The following ADI1 variants were observed in gnomAD, a reference collection of about 807,000 sequenced individuals.
ADI1 encodes acireductone dioxygenase.
In ADI1, 21 loss-of-function variants were observed where a neutral mutation model predicts 18.7. The ratio of observed to expected loss-of-function variants is 1.13; its 90% CI spans 0.80 to 1.62. ADI1 has a LOEUF of 1.62. ADI1 is among the 40% of genes most tolerant of loss of function. ADI1 has a pLI of 0.00. For missense variants in ADI1, 245 were observed against 254.9 expected (o/e 0.96, Z 0.26); for synonymous variants, 90 against 100.1 (o/e 0.90, Z 0.60).
At chr2:3,510,340 A>G (rs1667273820) in intron 2 of ADI1, among the ~76,000 whole-genome samples, 1 of 152,086 alleles carries the variant, frequency 6.6e-6, no homozygotes, top group Non-Finnish European at 1.5e-5. Flanking sequence ...CTAGAATAAT[A>G]ATAATAATAA....
At chr2:3,515,727 T>C (rs1450439621) in intron 1 of ADI1, 1 of 179,082 alleles carries the variant, frequency 5.6e-6, no homozygotes, top group African/African-American at 2.4e-5. Context: ...TAATAAAAAC[T>C]TGCTGGTCTG....
At chr2:3,510,349 A>G (rs574955930) in intron 2 of ADI1, among the ~76,000 whole-genome samples, 21 of 152,130 alleles carry the variant, frequency 1.4e-4, no homozygotes, top group Non-Finnish European at 2.9e-4. Flanking sequence ...TAATAATAAT[A>G]ATGACAAAGA....
chr2:3,500,536 TGTACCTGCCGCC>T (rs1666973932), intron 3 of ADI1: 3 of 364,014 alleles, frequency 8.2e-6, no homozygotes, highest in African/African-American at 2.5e-4. Context: ...TGCCGCCGCA[TGTACCTGCCGCC>T]GCCTGTACCT....
intron 2 of ADI1, among the ~76,000 whole-genome samples, chr2:3,511,292 T>C (rs1002537822): frequency 6.6e-6 from 1 of 152,082 alleles, no homozygotes; most frequent in Admixed American, 6.5e-5. Flanking sequence ...AGGAAGCAGA[T>C]GTTTCCTGTA....
chr2:3,498,939 C>G lies in ADI1; in HGVS notation c.*24G>C. ...TTACATTGGGGACCTTTACGAGGCA[C>G]GTGTTAGTTCCCAGGCAGCACTGCT... On this transcript the variant is annotated 3_prime_UTR_variant, in exon 4 of 4. Coordinates refer to ENST00000327435, the MANE Select transcript of ADI1 (RefSeq NM_018269.4). 6.3e-7 allele frequency: 1 copy of G among 1,591,722 alleles called. No individual in the cohort carries two copies. The highest frequency in any genetic ancestry group is 1.1e-5 in the South Asian group (1 of 90,174).
chr2:3,508,407 G>T (rs1053985136), intron 2 of ADI1, among the ~76,000 whole-genome samples: 3 of 147,724 alleles, frequency 2.0e-5, no homozygotes, highest in African/African-American at 7.5e-5. Flanking sequence ...TCCCAAATAT[G>T]GTAGACATTA....
At chr2:3,502,716 C>T (rs1667052283) in intron 2 of ADI1, among the ~76,000 whole-genome samples, 1 of 152,104 alleles carries the variant, frequency 6.6e-6, no homozygotes, top group South Asian at 2.1e-4. Flanking sequence ...TCCCAAAGTG[C>T]TAGGATTACA....
chr2:3,501,541 AT>A (rs61237896), intron 2 of ADI1, among the ~76,000 whole-genome samples: 143 of 147,038 alleles, frequency 9.7e-4, no homozygotes, highest in Middle Eastern at 3.6e-3. Flanking sequence ...ACTTTTGTGT[AT>A]TTTTTTTTTT....
chr2:3,504,129 C>A (rs1667117170), intron 2 of ADI1, among the ~76,000 whole-genome samples: 1 of 152,188 alleles, frequency 6.6e-6, no homozygotes, highest in Admixed American at 6.5e-5. Context: ...CATGGAGAGA[C>A]TTGACGGACG....
chr2:3,499,127 G>A, intron 3 of ADI1, 45 bp from the exon 4 acceptor site: 1 of 1,547,138 alleles, frequency 6.5e-7, no homozygotes, highest in Non-Finnish European at 8.6e-7. Context: ...AAACCAGCCG[G>A]CCTTCTACTT....
rs1572229405 is a variant in ADI1 at position 3,498,790 on chromosome 2, G to A, written c.*173C>T. 1 of 1,099,888 alleles carries A rather than the reference G, an allele frequency of 9.1e-7. No individual in the cohort carries two copies. The highest frequency in any genetic ancestry group is 1.3e-6 in the Non-Finnish European group (1 of 793,992). The allele number at this position is 1,099,888 out of a possible 1,614,324, so 68.1% of individuals were successfully genotyped here. A position where few individuals can be genotyped will look rare whatever the true frequency, so the allele number is the denominator to read the frequency against. On this transcript the variant is annotated 3_prime_UTR_variant, in exon 4 of 4. Coordinates refer to ENST00000327435, the MANE Select transcript of ADI1 (RefSeq NM_018269.4). Reference sequence around the variant, plus strand: ...TGAAGGTGACTCTTTACACTTCCAAGTTGCTTTCTAGATCCTTTCATTACA... The same window carrying A: ...TGAAGGTGACTCTTTACACTTCCAAATTGCTTTCTAGATCCTTTCATTACA...
intron 2 of ADI1, among the ~76,000 whole-genome samples, chr2:3,505,371 G>C (rs1409931731): frequency 6.6e-6 from 1 of 152,152 alleles, no homozygotes; most frequent in Non-Finnish European, 1.5e-5. Flanking sequence ...AACCCAAACT[G>C]TACTTGACCA....
In ADI1 at chr2:3,514,712, C is replaced by CAGA. The variant is rs1337659909; in HGVS notation, c.121-739_121-737dup. On this transcript the variant is annotated intron_variant, in intron 1 of 3. Transcript: ENST00000327435. ...AGCACTTCCCTGATGAAGCTCCAGG[C>CAGA]AGAATTCATCTGAACTCTTATTTAA... is the stretch of plus-strand genomic sequence containing the variant. 2.8e-6 allele frequency: 4 copies of CAGA among 1,448,922 alleles called. No homozygotes were observed. In the African/African-American group the frequency reaches 5.7e-5, roughly 21 times the overall value. 89.8% of individuals were successfully genotyped at this position (1,448,922 alleles called of 1,614,324 possible).
At chr2:3,516,831 T>A (rs1667419566) in intron 1 of ADI1, 2 of 985,404 alleles carry the variant, frequency 2.0e-6, no homozygotes, top group Non-Finnish European at 2.4e-6. Flanking sequence ...TACACAAACA[T>A]GTCCACATGT....
chr2:3,517,603 T>C (rs1373621809), intron 1 of ADI1: 1 of 152,110 alleles, frequency 6.6e-6, no homozygotes, highest in Non-Finnish European at 1.5e-5. Flanking sequence ...CTGTCTCTAC[T>C]AAAAATACAA....
intron 2 of ADI1, among the ~76,000 whole-genome samples, chr2:3,503,986 A>G (rs1355597969): frequency 6.6e-6 from 1 of 152,230 alleles, no homozygotes; most frequent in Non-Finnish European, 1.5e-5. Context: ...GTCACAGCCC[A>G]CAAAGGCAGG....
chr2:3,507,161 T>C (rs1169785104), intron 2 of ADI1, among the ~76,000 whole-genome samples: 2 of 152,140 alleles, frequency 1.3e-5, no homozygotes, highest in Non-Finnish European at 1.5e-5. Context: ...GGAGCAGGGA[T>C]TGGGGGAGAA....
At chr2:3,509,234 T>C (rs1358407559) in intron 2 of ADI1, among the ~76,000 whole-genome samples, 1 of 152,170 alleles carries the variant, frequency 6.6e-6, no homozygotes, top group Non-Finnish European at 1.5e-5. Context: ...ACTATTACAG[T>C]TGGCAATTTC....
Position 3,499,063 on chromosome 2 carries a change from C to T in ADI1, c.440G>A (p.Arg147Gln), listed in dbSNP as rs148975364. 393 of 1,613,990 alleles carry T rather than the reference C, an allele frequency of 2.4e-4. 2 individuals carry two copies. In the African/African-American group the frequency reaches 3.9e-3, roughly 16 times the overall value. ...CCACACCGGTTCTCCCACAAACAGCCGCATGGCCTTCGTGTAGTTCTGGAA... is the reference window on the plus strand; with the variant it reads ...CCACACCGGTTCTCCCACAAACAGCTGCATGGCCTTCGTGTAGTTCTGGAA... ...VDEKNYTKAMRLFVGEPVWTA... is the reference protein window; with the variant it reads ...VDEKNYTKAMQLFVGEPVWTA... The change falls in exon 4 of 4, where the codon CGG (arginine) becomes CAG (glutamine). Residue 147 changes from arginine to glutamine, a missense_variant. By Grantham distance (43) the Arg-to-Gln change is conservative. Coordinates refer to ENST00000327435, the MANE Select transcript of ADI1 (RefSeq NM_018269.4).
Sources: gnomAD v4.1 joint callset for allele counts (sites outside exome capture counted in the v4.1 genomes callset) on GRCh38, gnomAD v4.1.1 for gene constraint, MANE v1.5 for transcripts, NCBI Gene and HGNC (gene_info 2026-07-23, HGNC 2026-07-21) for gene names.